The following MOK variants were observed in gnomAD, a reference collection of about 807,000 sequenced individuals.
MOK encodes the protein MOK protein kinase.
MOK carries 59 observed loss-of-function variants against 54.2 expected under a neutral mutation model. The ratio of observed to expected loss-of-function variants is 1.09; its 90% CI spans 0.88 to 1.35. The LOEUF is 1.35. Among genes scored for constraint, MOK ranks in the 40% most tolerant of loss-of-function variants. The pLI is 0.00. For synonymous variants in MOK, 210 were observed against 202.7 expected (o/e 1.04, Z -0.31); for missense variants, 517 against 526.2 (o/e 0.98, Z 0.17).
In MOK at chr14:102,265,612, C is replaced by CAG. The variant is rs200237447; in HGVS notation, c.212+209_212+210dup. Among the ~76,000 whole-genome samples the CAG allele has an allele frequency of 9.8e-3, 1,494 of 152,000 alleles. 13 individuals carry two copies. The highest frequency in any genetic ancestry group is 0.017 in the Non-Finnish European group (1,153 of 67,986). ...CGCCGCTGCACTCCAGCCTGCATGACAGAGAGAGAGACTCCTTCTCAAAAA... is the reference window on the plus strand; with the variant it reads ...CGCCGCTGCACTCCAGCCTGCATGACAGAGAGAGAGAGACTCCTTCTCAAAAA... On this transcript the variant is annotated intron_variant, in intron 3 of 11. Coordinates refer to ENST00000361847, the MANE Select transcript of MOK (RefSeq NM_014226.3).
At chr14:102,285,625 C>T (rs148652195) in intron 1 of MOK, among the ~76,000 whole-genome samples, 21 of 152,334 alleles carry the variant, frequency 1.4e-4, no homozygotes, top group Non-Finnish European at 2.6e-4. Context: ...CCCTGGCCGG[C>T]TCACACCTGT....
At chr14:102,290,071 T>C (rs2070586123) in intron 1 of MOK, among the ~76,000 whole-genome samples, 1 of 150,174 alleles carries the variant, frequency 6.7e-6, no homozygotes, top group African/African-American at 2.4e-5. Flanking sequence ...GAAAACCCTC[T>C]GGGAAGGGTT....
intron 1 of MOK, among the ~76,000 whole-genome samples, chr14:102,288,939 G>A (rs963456349): frequency 2.0e-5 from 3 of 152,268 alleles, no homozygotes; most frequent in East Asian, 1.9e-4. Flanking sequence ...GTCTCACTCC[G>A]TTGCCCAGGC....
intron 4 of MOK, among the ~76,000 whole-genome samples, chr14:102,254,887 C>A (rs192550006): frequency 6.6e-6 from 1 of 152,290 alleles, no homozygotes; most frequent in East Asian, 1.9e-4. Flanking sequence ...ATGTTCCATT[C>A]CAGGAACGCC....
chr14:102,265,341 T>A (rs1040066027), intron 3 of MOK, among the ~76,000 whole-genome samples: 5 of 152,128 alleles, frequency 3.3e-5, no homozygotes, highest in African/African-American at 1.2e-4. Context: ...TAATTAAGAA[T>A]CAGATGCTGG....
intron 2 of MOK, among the ~76,000 whole-genome samples, chr14:102,269,306 C>T (rs1434538881): frequency 6.6e-6 from 1 of 151,880 alleles, no homozygotes; most frequent in African/African-American, 2.4e-5. Flanking sequence ...CCTGCCTCAG[C>T]CTCCTGAGTA....
chr14:102,281,636 G>C (rs1406854144), intron 2 of MOK, among the ~76,000 whole-genome samples: 1 of 151,418 alleles, frequency 6.6e-6, no homozygotes, highest in Non-Finnish European at 1.5e-5. Flanking sequence ...GTAGAGATGG[G>C]GTCTTGCTAT....
chr14:102,251,811 T>A lies in MOK; in HGVS notation c.363-7A>T. The A allele has an allele frequency of 1.3e-6, 2 of 1,565,574 alleles. No individual in the cohort carries two copies. Among genetic ancestry groups the A allele is most frequent in the Non-Finnish European group, 8.8e-7 (1 of 1,137,912 alleles). The stretch of plus-strand genomic sequence containing the variant: ...TCTGTGAAATATTCCATTTCTGCAT[T>A]CAGTATAAAGGAAAAATAGAATTAC... On this transcript the variant is annotated splice_polypyrimidine_tract_variant and splice_region_variant and intron_variant, in intron 5 of 11. Coordinates refer to ENST00000361847, the MANE Select transcript of MOK (RefSeq NM_014226.3).
chr14:102,266,528 G>A (rs1307680327), intron 2 of MOK, among the ~76,000 whole-genome samples: 1 of 152,056 alleles, frequency 6.6e-6, no homozygotes, highest in Non-Finnish European at 1.5e-5. Flanking sequence ...GTGATTACAA[G>A]CGTGAGCCAC....
chr14:102,233,086 T>A (rs1196932311), intron 8 of MOK: 2 of 160,244 alleles, frequency 1.2e-5, no homozygotes, highest in African/African-American at 4.8e-5. Context: ...GAAAACTACC[T>A]TTCCTATAAA....
chr14:102,250,042 A>G (rs914167048), intron 7 of MOK, among the ~76,000 whole-genome samples: 2 of 152,176 alleles, frequency 1.3e-5, no homozygotes, highest in Non-Finnish European at 2.9e-5. Flanking sequence ...CTTGGTTGAC[A>G]CTTCTGGCTG....
intron 4 of MOK, among the ~76,000 whole-genome samples, chr14:102,257,329 C>G (rs1215612419): frequency 2.0e-5 from 3 of 152,096 alleles, no homozygotes; most frequent in Admixed American, 2.0e-4. Flanking sequence ...GTAGCTGCAG[C>G]AGCTTTATTC....
downstream of MOK, among the ~76,000 whole-genome samples, chr14:102,227,989 G>C (rs917256836): frequency 3.9e-5 from 6 of 152,224 alleles, no homozygotes; most frequent in Non-Finnish European, 5.9e-5. Context: ...AAAGAAAGAA[G>C]ACCCAATTAC....
chr14:102,247,981 C>T (rs1488694568), intron 7 of MOK, among the ~76,000 whole-genome samples: 1 of 152,178 alleles, frequency 6.6e-6, no homozygotes, highest in Non-Finnish European at 1.5e-5. Context: ...TTTACAGGAC[C>T]GTATCGGAGC....
intron 1 of MOK, among the ~76,000 whole-genome samples, chr14:102,293,701 CAAAAAAAAAA>C (rs10598736): frequency 5.5e-5 from 3 of 54,596 alleles, no homozygotes; most frequent in Non-Finnish European, 7.2e-5. Flanking sequence ...AACTCCATCA[CAAAAAAAAAA>C]AAAAAAAAAA....
rs2065180609 is a variant in MOK at position 102,235,909 on chromosome 14, G to A, written c.591-2120C>T. ...ATTAGATAAAGCCCAAAGAGATCGT[G>A]CTAAATACCAGCTTCTAGCAGCGGC... On this transcript the variant is annotated intron_variant, in intron 7 of 11. Coordinates refer to ENST00000361847, the MANE Select transcript of MOK (RefSeq NM_014226.3). This position sits in a 1 kb window ranked among gnomAD's most constrained non-coding sequence, Gnocchi z 4.4. Among the ~76,000 whole-genome samples, 2 of 152,144 alleles carry A rather than the reference G, an allele frequency of 1.3e-5. No individual in the cohort carries two copies. The highest frequency in any genetic ancestry group is 6.5e-5 in the Admixed American group (1 of 15,278).
In MOK at chr14:102,229,147, G is replaced by T. The variant is rs1179099034; in HGVS notation, c.*142C>A. Reference sequence around the variant, plus strand: ...GGGCCGCGGGTGCGGCAGGGCGCAGGGCAGCACCCAGAGCCCCGGCCAGCG... The same window carrying T: ...GGGCCGCGGGTGCGGCAGGGCGCAGTGCAGCACCCAGAGCCCCGGCCAGCG... On this transcript the variant is annotated 3_prime_UTR_variant, in exon 12 of 12. Coordinates refer to ENST00000361847, the MANE Select transcript of MOK (RefSeq NM_014226.3). The T allele has an allele frequency of 3.4e-6, 3 of 878,910 alleles. No homozygotes were observed. The African/African-American group carries it at 5.1e-5, about 15-fold the overall frequency. 54.4% of individuals were successfully genotyped at this position (878,910 alleles called of 1,614,324 possible). A position where few individuals can be genotyped will look rare whatever the true frequency, so the allele number is the denominator to read the frequency against.
At chr14:102,298,804 T>C (rs2071775139) in intron 1 of MOK, among the ~76,000 whole-genome samples, 1 of 152,158 alleles carries the variant, frequency 6.6e-6, no homozygotes, top group Non-Finnish European at 1.5e-5. Context: ...CCAGGCTGCT[T>C]TTATGAGCTG....
At chr14:102,244,366 T>C (rs990043381) in intron 7 of MOK, among the ~76,000 whole-genome samples, 2 of 152,196 alleles carry the variant, frequency 1.3e-5, no homozygotes, top group Non-Finnish European at 2.9e-5. Context: ...GGAACATATC[T>C]CCTTCCAGCC....
Sources: allele counts gnomAD v4.1 joint callset (sites outside exome capture counted in the v4.1 genomes callset), GRCh38; gene constraint gnomAD v4.1.1; non-coding constraint Gnocchi (gnomAD v3.1); transcripts MANE v1.5; gene names NCBI Gene and HGNC (gene_info 2026-07-23, HGNC 2026-07-21).